The following KALRN variants were observed in gnomAD, a reference collection of about 807,000 sequenced individuals.
The protein encoded by KALRN is kalirin RhoGEF kinase, also known as kalirin.
Under a neutral mutation model 353.7 loss-of-function variants are expected in KALRN, and 70 were observed. That is an observed-to-expected ratio of 0.20 (90% CI 0.16 to 0.24). KALRN has a LOEUF of 0.24. Among genes scored for constraint, KALRN ranks in the 10% least tolerant of loss-of-function variants. The pLI, the probability that KALRN is intolerant of heterozygous loss-of-function variation, is 1.00. For missense variants in KALRN, 2,791 were observed against 3,756.7 expected (o/e 0.74, Z 6.72); for synonymous variants, 1,391 against 1,434.8 (o/e 0.97, Z 0.69).
chr3:124,610,637 G>GC (rs201630418), intron 34 of KALRN, among the ~76,000 whole-genome samples: 2,854 of 117,274 alleles, frequency 0.024, 85 homozygotes, highest in African/African-American at 0.081. Context: ...CTAACCCTGG[G>GC]GGGGGCGGCT....
intron 11 of KALRN, among the ~76,000 whole-genome samples, chr3:124,391,378 AAC>A (rs1249635030): frequency 6.6e-6 from 1 of 152,122 alleles, no homozygotes; most frequent in Non-Finnish European, 1.5e-5. Flanking sequence ...TGGGGGAAAA[AAC>A]ACGCGTGGTT....
At position 124,260,252 on chromosome 3, in the gene KALRN, T is replaced by C. The variant is rs566847068; in HGVS notation, c.264-4246T>C. Among the ~76,000 whole-genome samples the C allele has an allele frequency of 3.9e-5, 6 of 152,280 alleles. 1 individual carries two copies. In the South Asian group the frequency reaches 1.2e-3, roughly 32 times the overall value. Reference sequence around the variant, plus strand: ...TGTTCTGTCCTTCTACCTTGACAAATATATCTTCACAGCAACCTAGGAGGC... The same window carrying C: ...TGTTCTGTCCTTCTACCTTGACAAACATATCTTCACAGCAACCTAGGAGGC... On this transcript the variant is annotated intron_variant, in intron 3 of 59. Transcript: ENST00000682506.
chr3:124,473,838 C>T (rs780913737), intron 25 of KALRN, among the ~76,000 whole-genome samples: 3 of 152,138 alleles, frequency 2.0e-5, no homozygotes, highest in East Asian at 1.9e-4. Context: ...TTGTAAAGAT[C>T]GTAGCATTTC....
intron 51 of KALRN, among the ~76,000 whole-genome samples, chr3:124,681,847 A>C (rs1332741836): frequency 6.6e-6 from 1 of 151,936 alleles, no homozygotes; most frequent in African/African-American, 2.4e-5. Context: ...CGAGGCTTGT[A>C]TTGAACTCCT....
Position 124,070,182 on chromosome 3 carries a change from G to A in KALRN, c.73+36369G>A, listed in dbSNP as rs1232674823. Among the ~76,000 whole-genome samples the A allele has an allele frequency of 1.4e-4, 22 of 152,304 alleles. No individual in the cohort carries two copies. In the East Asian group the frequency reaches 4.2e-3, roughly 29 times the overall value. ...TGGGGACTTGCTCTCTAACGCTTAT[G>A]GACAGAGACAACTGTTAAAGATAGC... is the stretch of plus-strand genomic sequence containing the variant. On this transcript the variant is annotated intron_variant, in intron 1 of 59. Transcript: ENST00000682506.
At chr3:124,242,386 C>T (rs956003512) in intron 3 of KALRN, among the ~76,000 whole-genome samples, 2 of 152,230 alleles carry the variant, frequency 1.3e-5, no homozygotes, top group Admixed American at 6.5e-5. Flanking sequence ...TGCCTACTGG[C>T]ACACAGTCAG....
chr3:124,706,621 G>T (rs893537268), intron 57 of KALRN, among the ~76,000 whole-genome samples: 2 of 151,498 alleles, frequency 1.3e-5, no homozygotes, highest in African/African-American at 4.9e-5. Flanking sequence ...CCAGGCTGGA[G>T]TGCAGTGATG....
intron 28 of KALRN, among the ~76,000 whole-genome samples, chr3:124,487,274 G>T (rs2062666178): frequency 6.6e-6 from 1 of 152,192 alleles, no homozygotes; most frequent in Non-Finnish European, 1.5e-5. Context: ...AGTTGGAAAT[G>T]ATCTTTCCTC....
chr3:124,072,521 C>A (rs2066945496), intron 1 of KALRN, among the ~76,000 whole-genome samples: 1 of 152,106 alleles, frequency 6.6e-6, no homozygotes, highest in South Asian at 2.1e-4. Context: ...TAATTTAGCC[C>A]ATAGAGGTTT....
chr3:124,296,087 A>C (rs1407385682), intron 5 of KALRN, among the ~76,000 whole-genome samples: 1 of 152,140 alleles, frequency 6.6e-6, no homozygotes, highest in Non-Finnish European at 1.5e-5. Flanking sequence ...CAAAAGGGAG[A>C]ATAATCTCCA....
intron 34 of KALRN, among the ~76,000 whole-genome samples, chr3:124,601,224 A>C (rs1421018002): frequency 6.6e-6 from 1 of 152,228 alleles, no homozygotes; most frequent in Non-Finnish European, 1.5e-5. Flanking sequence ...GTATGTGTGT[A>C]TCACTTAGGG....
At chr3:124,414,613 C>T (rs2092392589) in intron 14 of KALRN, among the ~76,000 whole-genome samples, 1 of 152,170 alleles carries the variant, frequency 6.6e-6, no homozygotes, top group Non-Finnish European at 1.5e-5. Context: ...TTATACTTCC[C>T]ACTCCCCAAG....
intron 1 of KALRN, among the ~76,000 whole-genome samples, chr3:124,217,412 CA>C (rs1335089370): frequency 6.6e-6 from 1 of 152,174 alleles, no homozygotes; most frequent in Non-Finnish European, 1.5e-5. Flanking sequence ...AACATTGTAT[CA>C]GGGGACATAT....
intron 9 of KALRN, among the ~76,000 whole-genome samples, chr3:124,339,162 A>G: frequency 6.6e-6 from 1 of 152,160 alleles, no homozygotes; most frequent in East Asian, 1.9e-4. Context: ...AACAGACAGC[A>G]AGGTACCAGG....
chr3:124,371,660 A>T (rs1288369275), intron 10 of KALRN, among the ~76,000 whole-genome samples: 1 of 152,042 alleles, frequency 6.6e-6, no homozygotes, highest in African/African-American at 2.4e-5. Flanking sequence ...CTATGTTTAA[A>T]TTTTTTGTGG....
chr3:124,406,990 C>T (rs1034688314), intron 13 of KALRN, among the ~76,000 whole-genome samples: 7 of 151,880 alleles, frequency 4.6e-5, no homozygotes, highest in Non-Finnish European at 5.9e-5. Flanking sequence ...TGCGCCACCA[C>T]GCCCAGCTAA....
At chr3:124,208,623 A>C (rs1482550726) in intron 1 of KALRN, among the ~76,000 whole-genome samples, 1 of 152,154 alleles carries the variant, frequency 6.6e-6, no homozygotes. Flanking sequence ...TCTCCAGCCA[A>C]GAAAATGCAC....
At chr3:124,260,510 C>T (rs1415020382) in intron 3 of KALRN, among the ~76,000 whole-genome samples, 1 of 152,144 alleles carries the variant, frequency 6.6e-6, no homozygotes, top group Non-Finnish European at 1.5e-5. Context: ...CTTAGGGGTA[C>T]ACATAATGGT....
chr3:124,390,294 G>A (rs1378666813), intron 11 of KALRN, among the ~76,000 whole-genome samples: 2 of 152,200 alleles, frequency 1.3e-5, no homozygotes, highest in Non-Finnish European at 2.9e-5. Context: ...ATAAATATAA[G>A]TCAAGTTAAA....
Sources: gnomAD v4.1 joint callset for allele counts (sites outside exome capture counted in the v4.1 genomes callset) on GRCh38, gnomAD v4.1.1 for gene constraint, MANE v1.5 for transcripts, NCBI Gene and HGNC (gene_info 2026-07-23, HGNC 2026-07-21) for gene names.